The following UBR1 variants were observed in gnomAD, a reference collection of about 807,000 sequenced individuals.
UBR1 encodes E3 ubiquitin-protein ligase UBR1.
A neutral mutation model predicts 242.1 loss-of-function variants in UBR1; 102 were observed. The observed-to-expected ratio is 0.42, with a 90% CI of 0.36 to 0.50. The LOEUF is 0.50. Among genes scored for constraint, UBR1 ranks in the 20% least tolerant of loss-of-function variants. UBR1 has a pLI of 0.01. For synonymous variants in UBR1, 675 were observed against 684.8 expected, an observed-to-expected ratio of 0.99 and a Z score of 0.22; for missense variants, 1,772 against 2,101.8, an observed-to-expected ratio of 0.84 and a Z score of 3.07.
In UBR1 at chr15:43,038,205, C is replaced by G. The variant is rs2033362652; in HGVS notation, c.1877G>C (p.Gly626Ala). Residue 626 changes from glycine to alanine, a missense_variant, in exon 16 of 47, where the codon GGT becomes GCT. Gly to Ala is a moderately conservative substitution (Grantham distance 60). Around this residue, in one of 3 missense-constraint regions of UBR1, gnomAD observed 734 missense variants for 893.3 expected, o/e 0.82. Coordinates refer to ENST00000290650, the MANE Select transcript of UBR1 (RefSeq NM_174916.3). ...AAATTCATGCAGTCTTGAAACAGCA[C>G]CCAGCCTGCTTAAACGTACATGAAG... Reference protein sequence around the residue: ...AGLHVRLSRLGAVSRLHEFVS... With the variant: ...AGLHVRLSRLAAVSRLHEFVS... 6.2e-7 allele frequency: 1 copy of G among 1,613,928 alleles called. No individual in the cohort carries two copies. The highest frequency in any genetic ancestry group is 8.5e-7 in the Non-Finnish European group (1 of 1,179,984).
chr15:43,005,305 C>T (rs1009065015), intron 30 of UBR1, among the ~76,000 whole-genome samples: 24 of 150,404 alleles, frequency 1.6e-4, no homozygotes, highest in Non-Finnish European at 3.3e-4. Flanking sequence ...GCAGCCCCCG[C>T]CCGGCAGCCG....
rs180990748 is a variant in UBR1 at position 43,039,050 on chromosome 15, T to C, written c.1850-818A>G. On this transcript the variant is annotated intron_variant, in intron 15 of 46. Coordinates refer to ENST00000290650, the MANE Select transcript of UBR1 (RefSeq NM_174916.3). Reference sequence around the variant, plus strand: ...TTTTATTTTTATTAAAAAGGTACTTTTTACAAAAATTTTTATTTTTATTAA... The same window carrying C: ...TTTTATTTTTATTAAAAAGGTACTTCTTACAAAAATTTTTATTTTTATTAA... Among the ~76,000 whole-genome samples the C allele has an allele frequency of 4.8e-3, 728 of 151,816 alleles. 6 individuals carry two copies. Among genetic ancestry groups the C allele is most frequent in the African/African-American group, 0.017 (699 of 41,556 alleles).
intron 29 of UBR1, among the ~76,000 whole-genome samples, chr15:43,014,955 C>T (rs1160397588): frequency 1.3e-5 from 2 of 149,934 alleles, no homozygotes; most frequent in Admixed American, 6.6e-5. Flanking sequence ...CGGCCAGCTG[C>T]CCTGTCAGGG....
Position 43,037,733 on chromosome 15 carries a change from T to C in UBR1, c.2022+40A>G, listed in dbSNP as rs758705367. 36 of 1,565,840 alleles carry C rather than the reference T, an allele frequency of 2.3e-5. No individual in the cohort carries two copies. In the Admixed American group the frequency reaches 6.1e-4, roughly 26 times the overall value. The stretch of plus-strand genomic sequence containing the variant: ...CATATAAGAGAAAAAAATTAGAAAA[T>C]GAGCACATTCATAAATATGAATAAT... On this transcript the variant is annotated intron_variant, in intron 17 of 46. Transcript: ENST00000290650.
At position 43,070,788 on chromosome 15, in the gene UBR1, T is replaced by A. The variant is rs761285619; in HGVS notation, c.659+7A>T. On this transcript the variant is annotated splice_region_variant and intron_variant, in intron 5 of 46. Coordinates refer to ENST00000290650, the MANE Select transcript of UBR1 (RefSeq NM_174916.3). The stretch of plus-strand genomic sequence containing the variant: ...TAAAACTTGTTCCGTTTGACAGTTT[T>A]CCCCACCTTATCTGGAGTTCAGGAG... The A allele has an allele frequency of 1.9e-6, 3 of 1,612,830 alleles. No individual in the cohort carries two copies. Among genetic ancestry groups the A allele is most frequent in the African/African-American group, 2.7e-5 (2 of 74,924 alleles).
chr15:42,990,962 T>C (rs2032548111), intron 33 of UBR1, among the ~76,000 whole-genome samples: 1 of 151,918 alleles, frequency 6.6e-6, no homozygotes, highest in Admixed American at 6.6e-5. Flanking sequence ...AGATTTTTAA[T>C]CTTTTTTTTT....
intron 4 of UBR1, among the ~76,000 whole-genome samples, chr15:43,073,393 A>G (rs1213815058): frequency 6.6e-6 from 1 of 152,204 alleles, no homozygotes; most frequent in Non-Finnish European, 1.5e-5. Flanking sequence ...TCTGAATCAA[A>G]TATTTCCTTA....
intron 12 of UBR1, among the ~76,000 whole-genome samples, chr15:43,051,057 C>T (rs12437490): frequency 8.5e-5 from 13 of 152,232 alleles, no homozygotes; most frequent in African/African-American, 2.9e-4. Flanking sequence ...TCATTCAACC[C>T]GGCAATTTCA....
intron 3 of UBR1, 38 bp from the exon 4 acceptor site, chr15:43,075,127 AT>A: frequency 7.0e-7 from 1 of 1,419,088 alleles, no homozygotes; most frequent in Non-Finnish European, 1.0e-6. Flanking sequence ...GATTTCAAAC[AT>A]TTTACTAAGC....
At position 43,103,114 on chromosome 15, in the gene UBR1, G is replaced by T. The variant is rs139794329; in HGVS notation, c.81+2828C>A. Among the ~76,000 whole-genome samples, 29 of 152,344 alleles carry T rather than the reference G, an allele frequency of 1.9e-4. No individual in the cohort carries two copies. In the East Asian group the frequency reaches 3.5e-3, roughly 18 times the overall value. Reference sequence around the variant, plus strand: ...ACCTGGGAGGTGGAAGTTATAGTGAGCCAAGATGGCACCACTATACCACAG... The same window carrying T: ...ACCTGGGAGGTGGAAGTTATAGTGATCCAAGATGGCACCACTATACCACAG... On this transcript the variant is annotated intron_variant, in intron 1 of 46. Coordinates refer to ENST00000290650, the MANE Select transcript of UBR1 (RefSeq NM_174916.3).
Position 43,085,869 on chromosome 15 carries a change from G to A in UBR1, c.338+115C>T, listed in dbSNP as rs142193204. The A allele has an allele frequency of 8.3e-4, 955 of 1,144,076 alleles. 4 individuals are homozygous for A. In the African/African-American group the frequency reaches 0.013, roughly 15 times the overall value. 70.9% of individuals were successfully genotyped at this position (1,144,076 alleles called of 1,614,324 possible). On this transcript the variant is annotated intron_variant, in intron 2 of 46. Coordinates refer to ENST00000290650, the MANE Select transcript of UBR1 (RefSeq NM_174916.3). ...AGGCAGAGGTTGCAGTGACGTGACCGGAGATCGCACCACTGCACTCCAGCC... is the reference window on the plus strand; with the variant it reads ...AGGCAGAGGTTGCAGTGACGTGACCAGAGATCGCACCACTGCACTCCAGCC...
Position 42,944,994 on chromosome 15 carries a change from G to A in UBR1, c.*335C>T. 1 of 320,562 alleles carries A rather than the reference G, an allele frequency of 3.1e-6. No individual in the cohort carries two copies. The highest frequency in any genetic ancestry group is 6.0e-6 in the Non-Finnish European group (1 of 166,672). 19.9% of individuals were successfully genotyped at this position (320,562 alleles called of 1,614,324 possible). ...ACACCAAATACAAAATTGCAGAAGA[G>A]TTAACCAACATATAAAATGTCTACA... On this transcript the variant is annotated 3_prime_UTR_variant, in exon 47 of 47. Transcript: ENST00000290650.
chr15:42,971,714 G>A (rs1342101090), intron 39 of UBR1, among the ~76,000 whole-genome samples: 4 of 152,020 alleles, frequency 2.6e-5, no homozygotes, highest in African/African-American at 9.7e-5. Context: ...TCAAATGTAA[G>A]AGAGTTCAAT....
At chr15:43,067,435 T>TAA in intron 6 of UBR1, among the ~76,000 whole-genome samples, 1 of 152,334 alleles carries the variant, frequency 6.6e-6, no homozygotes, top group Non-Finnish European at 1.5e-5. Flanking sequence ...GGGATGAGGT[T>TAA]AATATTCCTT....
intron 27 of UBR1, among the ~76,000 whole-genome samples, chr15:43,019,743 T>C (rs2033079980): frequency 6.8e-6 from 1 of 147,594 alleles, no homozygotes; most frequent in Admixed American, 6.9e-5. Flanking sequence ...CCACCACGCC[T>C]GCCACCACGC....
intron 32 of UBR1, among the ~76,000 whole-genome samples, chr15:43,002,294 G>T (rs1469374173): frequency 6.6e-6 from 1 of 152,100 alleles, no homozygotes; most frequent in Non-Finnish European, 1.5e-5. Flanking sequence ...ACTCACTGGA[G>T]CTTCAATCTC....
At chr15:42,985,953 G>C (rs947257665) in intron 35 of UBR1, among the ~76,000 whole-genome samples, 7 of 129,588 alleles carry the variant, frequency 5.4e-5, no homozygotes, top group African/African-American at 2.1e-4. Flanking sequence ...CTGCACCACT[G>C]CACTCCAGCC....
At chr15:42,979,105 G>A (rs971297730) in intron 37 of UBR1, among the ~76,000 whole-genome samples, 1 of 152,012 alleles carries the variant, frequency 6.6e-6, no homozygotes. Context: ...ATGTTGGCCA[G>A]GATGGTCTCG....
chr15:42,958,133 A>G, intron 43 of UBR1, 43 bp from the exon 44 acceptor site: 1 of 1,464,826 alleles, frequency 6.8e-7, no homozygotes, highest in Non-Finnish European at 9.6e-7. Context: ...AGAGTAAATA[A>G]CCCCAGATCA....
Sources: gnomAD v4.1 joint callset for allele counts (sites outside exome capture counted in the v4.1 genomes callset) on GRCh38, gnomAD v4.1.1 for gene constraint, gnomAD v4.1.1 regional missense constraint, MANE v1.5 for transcripts, NCBI Gene and HGNC (gene_info 2026-07-23, HGNC 2026-07-21) for gene names.